Variants in RSRC1 observed in about 807,000 individuals in gnomAD.
The protein encoded by RSRC1 is arginine and serine rich coiled-coil 1.
RSRC1 carries 39 observed loss-of-function variants against 49.1 expected under a neutral mutation model. That is an observed-to-expected ratio of 0.79 (90% confidence interval 0.61 to 1.04). The LOEUF (loss-of-function observed/expected upper bound fraction) is 1.04. RSRC1 is among the 50% of genes least tolerant of loss of function. RSRC1 has a pLI of 0.00. For synonymous variants in RSRC1, 143 were observed against 130.8 expected (o/e 1.09, Z -0.63); for missense variants, 388 against 402.4 (o/e 0.96, Z 0.31).
chr3:158,257,338 T>A (rs1420121023), intron 4 of RSRC1, among the ~76,000 whole-genome samples: 2 of 151,792 alleles, frequency 1.3e-5, no homozygotes, highest in East Asian at 1.9e-4. Context: ...TTTACTGGTA[T>A]ATGTTTATTT....
rs1377400223 is a variant in RSRC1, at chr3:158,539,908, G to A, written c.759+2710G>A. Among the ~76,000 whole-genome samples, 2 of 152,106 alleles carry A rather than the reference G, an allele frequency of 1.3e-5. No homozygotes were observed. The highest frequency in any genetic ancestry group is 2.9e-5 in the Non-Finnish European group (2 of 68,016). ...GTTTATATGGTAGAATCTTATCTCT[G>A]CTACCTGAAGAGGTGGTATCCACAT... On this transcript the variant is annotated intron_variant, in intron 8 of 9. Transcript: ENST00000611884. The surrounding 1 kb of genome is among the most constrained non-coding windows in gnomAD (Gnocchi z 4.1).
intron 7 of RSRC1, among the ~76,000 whole-genome samples, chr3:158,462,833 T>C (rs1022121496): frequency 6.6e-6 from 1 of 152,020 alleles, no homozygotes; most frequent in African/African-American, 2.4e-5. Flanking sequence ...TTATACGTAG[T>C]CTGCAATATA....
chr3:158,352,207 C>T (rs963502897), intron 5 of RSRC1, among the ~76,000 whole-genome samples: 2 of 151,948 alleles, frequency 1.3e-5, no homozygotes, highest in African/African-American at 4.8e-5. Flanking sequence ...AGGAGTTCAA[C>T]ACTGCAGTGA....
At chr3:158,270,485 T>C (rs1725450829) in intron 4 of RSRC1, among the ~76,000 whole-genome samples, 1 of 152,220 alleles carries the variant, frequency 6.6e-6, no homozygotes, top group South Asian at 2.1e-4. Context: ...ATTTGTAATG[T>C]CACAGATTGG....
intron 5 of RSRC1, among the ~76,000 whole-genome samples, chr3:158,329,218 A>T (rs944922658): frequency 3.3e-5 from 5 of 152,146 alleles, no homozygotes; most frequent in Non-Finnish European, 5.9e-5. Flanking sequence ...TGATCGTCTG[A>T]AACTTTCTTC....
At chr3:158,374,317 G>A (rs1251816444) in intron 6 of RSRC1, among the ~76,000 whole-genome samples, 2 of 152,042 alleles carry the variant, frequency 1.3e-5, no homozygotes, top group South Asian at 4.1e-4. Flanking sequence ...ACATAATTTA[G>A]AATTTGAGCT....
intron 4 of RSRC1, among the ~76,000 whole-genome samples, chr3:158,218,354 T>C (rs1207845345): frequency 6.6e-6 from 1 of 151,688 alleles, no homozygotes; most frequent in Non-Finnish European, 1.5e-5. Flanking sequence ...GCCAGGGATT[T>C]GGCATTGGAG....
chr3:158,272,340 G>A (rs1725568590), intron 4 of RSRC1, among the ~76,000 whole-genome samples: 1 of 152,120 alleles, frequency 6.6e-6, no homozygotes. Flanking sequence ...CCGCCAGCTT[G>A]AAATGGAACC....
At position 158,115,032 on chromosome 3, in the gene RSRC1, A is replaced by G. The variant is rs140235997; in HGVS notation, c.-3+4809A>G. On this transcript the variant is annotated intron_variant, in intron 1 of 9. Coordinates refer to ENST00000611884, the MANE Select transcript of RSRC1 (RefSeq NM_001271838.2). ...TGCTGTGGCCAGAGTTTTCAATACT[A>G]TGTTGAATAGGAGTGGTGAGAGAGG... is the stretch of plus-strand genomic sequence containing the variant. Among the ~76,000 whole-genome samples the G allele has an allele frequency of 3.9e-3, 597 of 152,118 alleles. 6 individuals carry two copies. The highest frequency in any genetic ancestry group is 0.014 in the African/African-American group (581 of 41,496).
chr3:158,423,124 T>C (rs1735176930), intron 6 of RSRC1, among the ~76,000 whole-genome samples: 1 of 151,826 alleles, frequency 6.6e-6, no homozygotes, highest in African/African-American at 2.4e-5. Context: ...CCATTGCTTT[T>C]GGTGTTTTAG....
chr3:158,345,152 A>G (rs1473112961), intron 5 of RSRC1, among the ~76,000 whole-genome samples: 1 of 151,882 alleles, frequency 6.6e-6, no homozygotes, highest in African/African-American at 2.4e-5. Context: ...ACTTGAACCC[A>G]GGAGGCAGAA....
chr3:158,191,634 G>A (rs1720251775), intron 3 of RSRC1, among the ~76,000 whole-genome samples: 1 of 151,898 alleles, frequency 6.6e-6, no homozygotes, highest in African/African-American at 2.4e-5. Flanking sequence ...GTTCTAGAGT[G>A]CCACATTTTT....
intron 6 of RSRC1, among the ~76,000 whole-genome samples, chr3:158,429,040 C>T (rs1300668457): frequency 3.3e-5 from 5 of 151,850 alleles, no homozygotes; most frequent in South Asian, 2.1e-4. Flanking sequence ...GATTTCTCAC[C>T]GCCCTGAGAG....
At chr3:158,426,165 A>T (rs1735426907) in intron 6 of RSRC1, among the ~76,000 whole-genome samples, 1 of 151,756 alleles carries the variant, frequency 6.6e-6, no homozygotes, top group Non-Finnish European at 1.5e-5. Context: ...TGATCTAGGG[A>T]TAGGGAAGGA....
intron 4 of RSRC1, among the ~76,000 whole-genome samples, chr3:158,231,724 T>C (rs1722973165): frequency 6.6e-6 from 1 of 152,122 alleles, no homozygotes. Context: ...AGTCAGAGTA[T>C]TATTGAGACA....
chr3:158,366,989 A>AT (rs1449062470), intron 6 of RSRC1, among the ~76,000 whole-genome samples: 10 of 152,202 alleles, frequency 6.6e-5, no homozygotes, highest in African/African-American at 1.9e-4. Flanking sequence ...TTGCATATTG[A>AT]TTTTATATCC....
intron 4 of RSRC1, among the ~76,000 whole-genome samples, chr3:158,282,124 T>A (rs1578282880): frequency 6.6e-6 from 1 of 152,184 alleles, no homozygotes; most frequent in African/African-American, 2.4e-5. Context: ...TCAAAGAGCT[T>A]CATGTGGTAA....
chr3:158,256,295 C>T (rs1411350883), intron 4 of RSRC1, among the ~76,000 whole-genome samples: 1 of 152,056 alleles, frequency 6.6e-6, no homozygotes, highest in Admixed American at 6.6e-5. Flanking sequence ...TGTCGATGGC[C>T]TTTTCAGCAC....
chr3:158,297,929 G>A (rs1727327783), intron 4 of RSRC1, 110 bp from the exon 5 acceptor site: 2 of 777,272 alleles, frequency 2.6e-6, no homozygotes, highest in Non-Finnish European at 2.2e-6. Context: ...ATGAACATAA[G>A]TAAATACATA....
Sources: allele counts gnomAD v4.1 joint callset (sites outside exome capture counted in the v4.1 genomes callset), GRCh38; gene constraint gnomAD v4.1.1; non-coding constraint Gnocchi (gnomAD v3.1); transcripts MANE v1.5; gene names NCBI Gene and HGNC (gene_info 2026-07-23, HGNC 2026-07-21).